Variants in GMPS observed in about 807,000 individuals in gnomAD.
GMPS encodes guanosine monophosphate synthase, also known as GMP synthase [glutamine-hydrolyzing].
In GMPS, 15 loss-of-function variants were observed where a neutral mutation model predicts 77.9. That is an observed-to-expected ratio of 0.19 (90% CI 0.13 to 0.30). GMPS has a LOEUF of 0.30. GMPS is among the 10% of genes least tolerant of loss of function. The pLI, the probability that GMPS is intolerant of heterozygous loss-of-function variation, is 1.00. For synonymous variants in GMPS, 224 were observed against 275.9 expected, an observed-to-expected ratio of 0.81 and a Z score of 1.86; for missense variants, 590 against 838.8, an observed-to-expected ratio of 0.70 and a Z score of 3.66.
rs1401601709 is a variant in GMPS, at chr3:155,938,145, C to T, written c.*453C>T. On this transcript the variant is annotated 3_prime_UTR_variant, in exon 16 of 16. Coordinates refer to ENST00000496455, the MANE Select transcript of GMPS (RefSeq NM_003875.3). ...TTTCTTATAAGTAATCTTATTTCTC[C>T]AAAGGGTGAAAAAGAGATGAACATA... 4.5e-6 allele frequency: 1 copy of T among 224,324 alleles called. No individual in the cohort carries two copies. The highest frequency in any genetic ancestry group is 8.9e-6 in the Non-Finnish European group (1 of 112,744). 13.9% of individuals were successfully genotyped at this position (224,324 alleles called of 1,614,324 possible).
intron 1 of GMPS, among the ~76,000 whole-genome samples, chr3:155,891,732 G>A (rs865823114): frequency 2.0e-5 from 3 of 150,618 alleles, no homozygotes; most frequent in Non-Finnish European, 3.0e-5. Flanking sequence ...TCAGCCTCCC[G>A]AGTAGCTGGG....
At chr3:155,884,399 A>G (rs374314084) in intron 1 of GMPS, among the ~76,000 whole-genome samples, 3 of 152,036 alleles carry the variant, frequency 2.0e-5, no homozygotes, top group East Asian at 3.9e-4. Context: ...AAAAAAAAAA[A>G]AAAGAAAAAA....
chr3:155,873,638 C>CTTT (rs58365650), intron 1 of GMPS, among the ~76,000 whole-genome samples: 2 of 82,574 alleles, frequency 2.4e-5, no homozygotes, highest in Non-Finnish European at 4.5e-5. Flanking sequence ...TGAGTAAGTT[C>CTTT]TTTTTTTTTT....
At chr3:155,929,107 G>A (rs972053510) in intron 12 of GMPS, among the ~76,000 whole-genome samples, 14 of 151,534 alleles carry the variant, frequency 9.2e-5, no homozygotes, top group African/African-American at 3.4e-4. Flanking sequence ...CTGAGGAATC[G>A]CCACACTGAT....
In GMPS at chr3:155,925,200, A is replaced by G. The variant is rs766942730; in HGVS notation, c.1435-41A>G. The stretch of plus-strand genomic sequence containing the variant: ...TAGATAATAAAAGAGTGAATACCTT[A>G]TTTCTTAAAACTGAAAAAATGCCTC... On this transcript the variant is annotated intron_variant, in intron 11 of 15. Coordinates refer to ENST00000496455, the MANE Select transcript of GMPS (RefSeq NM_003875.3). 7 of 1,574,904 alleles carry G rather than the reference A, an allele frequency of 4.4e-6. No homozygotes were observed. In the Admixed American group the frequency reaches 1.3e-4, roughly 29 times the overall value.
intron 4 of GMPS, among the ~76,000 whole-genome samples, chr3:155,904,435 A>G (rs1208850028): frequency 6.6e-6 from 1 of 151,904 alleles, no homozygotes; most frequent in Non-Finnish European, 1.5e-5. Flanking sequence ...GACTACAGGC[A>G]TGAACCACCA....
In GMPS at chr3:155,920,114, T is replaced by C. The variant is rs542164585; in HGVS notation, c.1318+776T>C. Among the ~76,000 whole-genome samples, 3 of 152,230 alleles carry C rather than the reference T, an allele frequency of 2.0e-5. No homozygotes were observed. The South Asian group carries it at 6.2e-4, about 32-fold the overall frequency. On this transcript the variant is annotated intron_variant, in intron 10 of 15. Coordinates refer to ENST00000496455, the MANE Select transcript of GMPS (RefSeq NM_003875.3). ...ATTTAATCTTCACAGTGGAAACTACTATTATCCTGTTTTACAGATGAAGAA... is the reference window on the plus strand; with the variant it reads ...ATTTAATCTTCACAGTGGAAACTACCATTATCCTGTTTTACAGATGAAGAA...
At position 155,885,065 on chromosome 3, in the gene GMPS, T is replaced by A. The variant is rs569787155; in HGVS notation, c.28-8453T>A. ...GGTTCAGTTAAGGAGGAAAAATAAT[T>A]GAATTTGAAACAATATACGTAACAC... On this transcript the variant is annotated intron_variant, in intron 1 of 15. Coordinates refer to ENST00000496455, the MANE Select transcript of GMPS (RefSeq NM_003875.3). Among the ~76,000 whole-genome samples, 34 of 152,280 alleles carry A rather than the reference T, an allele frequency of 2.2e-4. 1 individual carries two copies. Among genetic ancestry groups the A allele is most frequent in the African/African-American group, 8.2e-4 (34 of 41,548 alleles).
At chr3:155,892,388 A>C (rs957429695) in intron 1 of GMPS, among the ~76,000 whole-genome samples, 1 of 152,034 alleles carries the variant, frequency 6.6e-6, no homozygotes, top group Non-Finnish European at 1.5e-5. Flanking sequence ...AACAAAAAAA[A>C]CCCCCAGGAT....
chr3:155,935,564 A>G (rs1755746306), intron 14 of GMPS, among the ~76,000 whole-genome samples: 1 of 152,240 alleles, frequency 6.6e-6, no homozygotes, highest in African/African-American at 2.4e-5. Context: ...TGCACAGAGC[A>G]GCAGAAAATT....
intron 2 of GMPS, among the ~76,000 whole-genome samples, chr3:155,894,447 CTCCTGACT>C (rs1754552408): frequency 6.6e-6 from 1 of 152,204 alleles, no homozygotes; most frequent in South Asian, 2.1e-4. Flanking sequence ...TGGTCTCGAA[CTCCTGACT>C]TCAGGTGATC....
At chr3:155,875,727 C>T (rs1754034177) in intron 1 of GMPS, among the ~76,000 whole-genome samples, 1 of 152,010 alleles carries the variant, frequency 6.6e-6, no homozygotes, top group South Asian at 2.1e-4. Context: ...TTTTTTCATG[C>T]TTATTGTGGA....
intron 10 of GMPS, among the ~76,000 whole-genome samples, chr3:155,920,016 G>A (rs954945748): frequency 2.6e-5 from 4 of 152,164 alleles, no homozygotes; most frequent in Non-Finnish European, 5.9e-5. Flanking sequence ...GAATTGAAAA[G>A]CATAATAATA....
intron 2 of GMPS, among the ~76,000 whole-genome samples, chr3:155,896,668 G>A (rs1354288501): frequency 3.4e-5 from 5 of 148,306 alleles, no homozygotes; most frequent in African/African-American, 5.0e-5. Context: ...CAATCTGCCC[G>A]TCTCTGTTTC....
At chr3:155,906,031 T>C (rs571946548) in intron 4 of GMPS, 129 bp from the exon 5 acceptor site, 3 of 511,730 alleles carry the variant, frequency 5.9e-6, no homozygotes, top group South Asian at 4.0e-5. Flanking sequence ...TCTAGCAGTA[T>C]TCCATTGTCA....
intron 1 of GMPS, among the ~76,000 whole-genome samples, chr3:155,872,969 TTTA>T (rs1753939250): frequency 6.6e-6 from 1 of 152,202 alleles, no homozygotes; most frequent in South Asian, 2.1e-4. Flanking sequence ...TATCACCTAC[TTTA>T]TTATGCATAT....
intron 7 of GMPS, among the ~76,000 whole-genome samples, chr3:155,912,287 A>C (rs1227635010): frequency 6.6e-6 from 1 of 152,210 alleles, no homozygotes; most frequent in East Asian, 1.9e-4. Context: ...GGGATAGAGG[A>C]GATGACAGAA....
chr3:155,877,641 A>G (rs558887237), intron 1 of GMPS, among the ~76,000 whole-genome samples: 2 of 152,252 alleles, frequency 1.3e-5, no homozygotes, highest in South Asian at 4.1e-4. Flanking sequence ...CGCTAAAACA[A>G]AATACCAGAA....
At chr3:155,930,624 T>C (rs1755589547) in intron 12 of GMPS, among the ~76,000 whole-genome samples, 1 of 152,164 alleles carries the variant, frequency 6.6e-6, no homozygotes, top group Admixed American at 6.5e-5. Flanking sequence ...GACAAAGGGC[T>C]AATATCCAGA....
Sources: gnomAD v4.1 joint callset for allele counts (sites outside exome capture counted in the v4.1 genomes callset) on GRCh38, gnomAD v4.1.1 for gene constraint, MANE v1.5 for transcripts, NCBI Gene and HGNC (gene_info 2026-07-23, HGNC 2026-07-21) for gene names.